Variants in SLC4A9 observed in about 807,000 individuals in gnomAD.
The protein encoded by SLC4A9 is anion exchange protein 4.
In SLC4A9, 102 loss-of-function variants were observed where a neutral mutation model predicts 103.2. That is an observed-to-expected ratio of 0.99 (90% CI 0.84 to 1.17). The LOEUF (loss-of-function observed/expected upper bound fraction) is 1.17. Among genes scored for constraint, SLC4A9 ranks in the 50% most tolerant of loss-of-function variants. The pLI is 0.00. For missense variants in SLC4A9, 1,091 were observed against 1,193.7 expected (o/e 0.91, Z 1.27); for synonymous variants, 453 against 483.6 (o/e 0.94, Z 0.83).
chr5:140,368,755 T>C, intron 17 of SLC4A9, 96 bp downstream of exon 17: 4 of 1,058,054 alleles, frequency 3.8e-6, no homozygotes, highest in African/African-American at 1.6e-5. Context: ...GTGTGCCAGG[T>C]GCTCTGTTAA....
At chr5:140,371,304 C>T in intron 18 of SLC4A9, 141 bp downstream of exon 18, 7 of 1,384,366 alleles carry the variant, frequency 5.1e-6, no homozygotes, top group Non-Finnish European at 7.1e-6. Flanking sequence ...TTCCCTCTTA[C>T]TCTCTTTTTC....
intron 14 of SLC4A9, among the ~76,000 whole-genome samples, chr5:140,367,206 C>T (rs992655697): frequency 2.0e-5 from 3 of 152,222 alleles, no homozygotes; most frequent in African/African-American, 7.2e-5. Flanking sequence ...AAGTCCAGAG[C>T]CCCTGGTTCC....
intron 21 of SLC4A9, among the ~76,000 whole-genome samples, chr5:140,373,215 G>T (rs887692574): frequency 6.6e-6 from 1 of 152,170 alleles, no homozygotes; most frequent in Non-Finnish European, 1.5e-5. Context: ...TCCCCCCTTA[G>T]GCTGCTGAGA....
At chr5:140,366,389 GTAA>G in intron 14 of SLC4A9, 125 bp downstream of exon 14, 1 of 687,220 alleles carries the variant, frequency 1.5e-6, no homozygotes, top group Non-Finnish European at 2.4e-6. Context: ...GCTAGAGATA[GTAA>G]TAATAATGGC....
In SLC4A9 at chr5:140,362,087, G is replaced by T. The variant is rs1248704760; in HGVS notation, c.632G>T (p.Gly211Val). The T allele has an allele frequency of 6.3e-7, 1 of 1,584,058 alleles. No individual in the cohort carries two copies. Among genetic ancestry groups the T allele is most frequent in the South Asian group, 1.2e-5 (1 of 85,522 alleles). ...EAGTVLAGEL[G>V]FLAQPLGAFV... ...GGGACTGTGCTGGCAGGGGAGCTGGGCTTCCTGGCACAGCCACTGGGAGCC... is the reference window on the plus strand; with the variant it reads ...GGGACTGTGCTGGCAGGGGAGCTGGTCTTCCTGGCACAGCCACTGGGAGCC... Residue 211 changes from glycine (G) to valine (V), a missense_variant, in exon 5 of 22, where the codon GGC becomes GTC. By Grantham distance (109) the Gly-to-Val change is moderately radical. Transcript: ENST00000506757.
intron 17 of SLC4A9, among the ~76,000 whole-genome samples, chr5:140,369,653 G>A (rs544463296): frequency 2.0e-5 from 3 of 152,180 alleles, no homozygotes; most frequent in Non-Finnish European, 2.9e-5. Context: ...CAGATGGACC[G>A]GATCAGCCAC....
In SLC4A9 at chr5:140,364,144, G is replaced by A. The variant is rs368675545; in HGVS notation, c.1345G>A (p.Gly449Arg). 6.3e-7 allele frequency: 1 copy of A among 1,590,234 alleles called. No individual in the cohort carries two copies. Among genetic ancestry groups the A allele is most frequent in the Non-Finnish European group, 8.6e-7 (1 of 1,167,550 alleles). Residue 449 changes from glycine to arginine, a missense_variant, in exon 10 of 22, where the codon GGG (glycine) becomes AGG (arginine). Coordinates refer to ENST00000506757, the MANE Select transcript of SLC4A9 (RefSeq NM_031467.3). Reference sequence around the variant, plus strand: ...GCCCCTCACCATTCTGAGCAGCACGGGGCCAGTGCTGGTCTTTGAGCGCCT... The same window carrying A: ...GCCCCTCACCATTCTGAGCAGCACGAGGCCAGTGCTGGTCTTTGAGCGCCT... ...GQPLTILSST[G>R]PVLVFERLLF...
chr5:140,365,125 G>A (rs1455762273), intron 11 of SLC4A9, among the ~76,000 whole-genome samples: 1 of 152,222 alleles, frequency 6.6e-6, no homozygotes, highest in African/African-American at 2.4e-5. Context: ...TATTACACTT[G>A]CATATATCCC....
chr5:140,361,930 T>A (rs1344224351), intron 4 of SLC4A9, 67 bp downstream of exon 4: 1 of 1,613,008 alleles, frequency 6.2e-7, no homozygotes, highest in Non-Finnish European at 8.5e-7. Flanking sequence ...AACAAAAGTC[T>A]ACTCTCCACT....
Position 140,362,161 on chromosome 5 carries a change from T to TC in SLC4A9, c.709dup (p.Leu237ProfsTer21). On this transcript the variant is annotated frameshift_variant, in exon 5 of 22. Coordinates refer to ENST00000506757, the MANE Select transcript of SLC4A9 (RefSeq NM_031467.3). LOFTEE classifies it high-confidence loss of function. ...GGTACTGGGGTCCCTTACTGAGGTG[T>TC]CCCTCCCAAGCAGGTGAGGCTACTG... The TC allele has an allele frequency of 1.3e-6, 2 of 1,542,660 alleles. No homozygotes were observed. Among genetic ancestry groups the TC allele is most frequent in the Non-Finnish European group, 1.7e-6 (2 of 1,152,116 alleles).
In SLC4A9 at chr5:140,364,547, A is replaced by G. The variant is rs1237118399; in HGVS notation, c.1573A>G (p.Asn525Asp). 6.2e-7 allele frequency: 1 copy of G among 1,607,030 alleles called. No homozygotes were observed. The highest frequency in any genetic ancestry group is 1.1e-5 in the South Asian group (1 of 90,040). The part of the protein sequence containing the change: ...FIYDAVGKML[N>D]LTHTYPIQKP... Reference sequence around the variant, plus strand: ...CTACGATGCTGTGGGCAAAATGCTGAACTTGACCCATACCTATCCTATCCA... The same window carrying G: ...CTACGATGCTGTGGGCAAAATGCTGGACTTGACCCATACCTATCCTATCCA... The change falls in exon 11 of 22, where the codon AAC becomes GAC. Residue 525 changes from asparagine to aspartate, a missense_variant. Physicochemically the swap from Asn to Asp is conservative, Grantham distance 23. Transcript: ENST00000506757.
intron 21 of SLC4A9, among the ~76,000 whole-genome samples, chr5:140,374,407 A>C (rs1443304415): frequency 6.6e-6 from 1 of 151,498 alleles, no homozygotes; most frequent in African/African-American, 2.4e-5. Flanking sequence ...TAAAAATACA[A>C]AAATTAGCTG....
At position 140,363,447 on chromosome 5, in the gene SLC4A9, C is replaced by G; in HGVS notation, c.971C>G (p.Ser324Trp). The G allele has an allele frequency of 1.3e-6, 2 of 1,551,294 alleles. No individual in the cohort carries two copies. The highest frequency in any genetic ancestry group is 2.4e-5 in the East Asian group (1 of 40,918). ...GTTCCCCTCCTCCTCAGGCTTCCCTCGCAACAGCGGGAGATCAGAGGTCCC... is the reference window on the plus strand; with the variant it reads ...GTTCCCCTCCTCCTCAGGCTTCCCTGGCAACAGCGGGAGATCAGAGGTCCC... The part of the protein sequence containing the change: ...CLPSQHKRLP[S>W]QQREIRGPAV... The change falls in exon 8 of 22, where the codon TCG becomes TGG. Residue 324 changes from serine to tryptophan, a missense_variant. Transcript: ENST00000506757. This position sits in a 1 kb window ranked among gnomAD's most constrained non-coding sequence, Gnocchi z 4.5.
rs781602230 is a variant in SLC4A9 at position 140,360,808 on chromosome 5, A to G, written c.231-4A>G. 6.2e-7 allele frequency: 1 copy of G among 1,613,358 alleles called. No homozygotes were observed. Among genetic ancestry groups the G allele is most frequent in the African/African-American group, 1.3e-5 (1 of 75,000 alleles). On this transcript the variant is annotated splice_region_variant and splice_polypyrimidine_tract_variant and intron_variant, in intron 1 of 21. Coordinates refer to ENST00000506757, the MANE Select transcript of SLC4A9 (RefSeq NM_031467.3). Reference sequence around the variant, plus strand: ...ATAACACTGTCTACCCACCTTCATCACAGGTGGGTACTGTTTGAGGAGAAG... The same window carrying G: ...ATAACACTGTCTACCCACCTTCATCGCAGGTGGGTACTGTTTGAGGAGAAG...
chr5:140,374,176 G>C (rs917874187), intron 21 of SLC4A9, among the ~76,000 whole-genome samples: 1 of 147,272 alleles, frequency 6.8e-6, no homozygotes, highest in Non-Finnish European at 1.5e-5. Context: ...GCGACGGAGC[G>C]AGACTCCGTC....
intron 14 of SLC4A9, among the ~76,000 whole-genome samples, chr5:140,366,601 C>T (rs1002405522): frequency 2.6e-5 from 4 of 152,168 alleles, no homozygotes; most frequent in African/African-American, 7.2e-5. Flanking sequence ...TCAATTTCTT[C>T]GTCTATAAAA....
At chr5:140,362,304 A>C in intron 5 of SLC4A9, 130 bp downstream of exon 5, 1 of 1,247,088 alleles carries the variant, frequency 8.0e-7, no homozygotes, top group Non-Finnish European at 1.1e-6. Flanking sequence ...GTCTGGGGAG[A>C]GAGTAGTGGT....
chr5:140,366,319 C>G (rs1660350579), intron 14 of SLC4A9, 55 bp downstream of exon 14: 1 of 1,254,926 alleles, frequency 8.0e-7, no homozygotes, highest in South Asian at 1.4e-5. Flanking sequence ...GGCCAGCAGA[C>G]CATGGGGAAG....
In SLC4A9 at chr5:140,365,905, C is replaced by A; in HGVS notation, c.1782C>A (p.Gly594=). The A allele has an allele frequency of 1.2e-6, 2 of 1,614,048 alleles. No individual in the cohort carries two copies. Among genetic ancestry groups the A allele is most frequent in the South Asian group, 1.1e-5 (1 of 91,082 alleles). ...ECTRQGGHPR[G]PGCHTVPDIA... is the part of the protein sequence containing the mutation. ...CCCGGCAGGGAGGCCACCCTCGTGG[C>A]CCTGGCTGTCATACAGTCCCAGACA... The change falls in exon 13 of 22, where the codon GGC becomes GGA. Residue 594 remains glycine, a synonymous_variant. Coordinates refer to ENST00000506757, the MANE Select transcript of SLC4A9 (RefSeq NM_031467.3).
Sources: allele counts gnomAD v4.1 joint callset (sites outside exome capture counted in the v4.1 genomes callset), GRCh38; gene constraint gnomAD v4.1.1; non-coding constraint Gnocchi (gnomAD v3.1); transcripts MANE v1.5; gene names NCBI Gene and HGNC (gene_info 2026-07-23, HGNC 2026-07-21).